Variants in IFT43 observed in about 807,000 individuals in gnomAD.
IFT43 encodes intraflagellar transport protein 43 homolog.
A neutral mutation model predicts 32.3 loss-of-function variants in IFT43; 33 were observed. That is an observed-to-expected ratio of 1.02 (90% confidence interval 0.77 to 1.37). The LOEUF is 1.37. Among genes scored for constraint, IFT43 ranks in the 40% most tolerant of loss-of-function variants. The pLI is 0.00. For missense variants in IFT43, 274 were observed against 265.9 expected (o/e 1.03, Z -0.21); for synonymous variants, 93 against 98.2 (o/e 0.95, Z 0.31).
chr14:76,061,374 G>GT (rs2037132614), intron 5 of IFT43, among the ~76,000 whole-genome samples: 1 of 152,046 alleles, frequency 6.6e-6, no homozygotes, highest in East Asian at 1.9e-4. Context: ...TGGATTTATA[G>GT]TTTTCATCAG....
intron 3 of IFT43, 52 bp downstream of exon 3, chr14:76,022,446 G>T: frequency 9.6e-6 from 10 of 1,039,258 alleles, no homozygotes; most frequent in Admixed American, 1.9e-5. Context: ...ACGGTTGGGG[G>T]GACTTTGCTC....
intron 5 of IFT43, among the ~76,000 whole-genome samples, chr14:76,079,435 G>A (rs1028311765): frequency 1.3e-5 from 2 of 152,156 alleles, no homozygotes; most frequent in Admixed American, 6.5e-5. Flanking sequence ...CTGGGTGGGC[G>A]TGAGTCTGAT....
rs1242125183 is a variant in IFT43 at position 76,076,683 on chromosome 14, A to ACTCAC, written c.296-5612_296-5611insCTCAC. ...AGAGATTTGGGGCTGGCTTCATTGGAAGAGGCAGGTAGGCTTTTGACTGTC... is the reference window on the plus strand; with the variant it reads ...AGAGATTTGGGGCTGGCTTCATTGGACTCACAGAGGCAGGTAGGCTTTTGACTGTC... On this transcript the variant is annotated intron_variant, in intron 5 of 8. Coordinates refer to ENST00000314067, the MANE Select transcript of IFT43 (RefSeq NM_001102564.3). The ACTCAC allele has an allele frequency of 1.7e-5, 27 of 1,614,074 alleles. No homozygotes were observed. The highest frequency in any genetic ancestry group is 2.7e-5 in the African/African-American group (2 of 74,940).
At position 76,025,732 on chromosome 14, in the gene IFT43, A is replaced by G. The variant is rs1017344125; in HGVS notation, c.215+3338A>G. Among the ~76,000 whole-genome samples the G allele has an allele frequency of 2.3e-4, 35 of 152,244 alleles. 1 individual carries two copies. Among genetic ancestry groups the G allele is most frequent in the Non-Finnish European group, 2.2e-4 (15 of 68,036 alleles). On this transcript the variant is annotated intron_variant, in intron 3 of 8. Coordinates refer to ENST00000314067, the MANE Select transcript of IFT43 (RefSeq NM_001102564.3). ...CTTATTCAATAAATGGTGTTGAGATAACTGGCTAGTCATAAGCAGAAGATT... is the reference window on the plus strand; with the variant it reads ...CTTATTCAATAAATGGTGTTGAGATGACTGGCTAGTCATAAGCAGAAGATT...
rs191596300 is a variant in IFT43 at position 76,051,658 on chromosome 14, T to G, written c.216-6984T>G. Among the ~76,000 whole-genome samples the G allele has an allele frequency of 1.6e-3, 243 of 152,350 alleles. 1 individual carries two copies. Among genetic ancestry groups the G allele is most frequent in the African/African-American group, 5.7e-3 (236 of 41,568 alleles). ...TTTGGAGGCAACTGTGAGATTTTTC[T>G]TGGACATTTAAAAATTATGAGGGTA... On this transcript the variant is annotated intron_variant, in intron 3 of 8. Coordinates refer to ENST00000314067, the MANE Select transcript of IFT43 (RefSeq NM_001102564.3).
At position 76,046,436 on chromosome 14, in the gene IFT43, G is replaced by A. The variant is rs2036809879; in HGVS notation, c.216-12206G>A. On this transcript the variant is annotated intron_variant, in intron 3 of 8. Coordinates refer to ENST00000314067, the MANE Select transcript of IFT43 (RefSeq NM_001102564.3). ...GGGAGGCAGCAATATGTGCAAGCAG[G>A]GGAAGTGGTGGGTCCCCAGAAGCAA... Among the ~76,000 whole-genome samples, 4 of 152,102 alleles carry A rather than the reference G, an allele frequency of 2.6e-5. No individual in the cohort carries two copies. The South Asian group carries it at 8.3e-4, about 32-fold the overall frequency.
At chr14:76,017,240 T>C (rs1016434827) in intron 2 of IFT43, among the ~76,000 whole-genome samples, 4 of 152,290 alleles carry the variant, frequency 2.6e-5, no homozygotes, top group African/African-American at 4.8e-5. Flanking sequence ...CCTGATTTGC[T>C]GAGAATTTTT....
chr14:75,991,425 G>A (rs893499264), intron 2 of IFT43, among the ~76,000 whole-genome samples: 11 of 132,908 alleles, frequency 8.3e-5, no homozygotes, highest in Non-Finnish European at 1.3e-4. Flanking sequence ...GTGTGTGTGT[G>A]TATGTATGTA....
At chr14:76,051,062 A>G (rs187162420) in intron 3 of IFT43, among the ~76,000 whole-genome samples, 6 of 151,866 alleles carry the variant, frequency 4.0e-5, no homozygotes, top group Admixed American at 1.3e-4. Context: ...GGACATGGGC[A>G]TGAGTTTTTT....
intron 3 of IFT43, among the ~76,000 whole-genome samples, chr14:76,032,869 G>A (rs956900232): frequency 2.0e-5 from 3 of 152,208 alleles, no homozygotes; most frequent in South Asian, 4.1e-4. Flanking sequence ...GTGGTTGGAT[G>A]TGCGGCAGAG....
chr14:75,993,090 T>G (rs1384810672), intron 2 of IFT43, among the ~76,000 whole-genome samples: 1 of 152,212 alleles, frequency 6.6e-6, no homozygotes, highest in African/African-American at 2.4e-5. Context: ...TAACTTAGTC[T>G]GACACACACA....
In IFT43 at chr14:76,058,646, A is replaced by G. The variant is rs1018128453; in HGVS notation, c.220A>G (p.Arg74Gly). The G allele has an allele frequency of 7.5e-6, 12 of 1,610,026 alleles. No homozygotes were observed. Among genetic ancestry groups the G allele is most frequent in the Non-Finnish European group, 8.5e-6 (10 of 1,178,058 alleles). ...TCTTTTCTTTTTTTTTTTCAGGTTT[A>G]GGAGGAAGGCTTCTGAAGAAATAGA... ...AGDSVKASKF[R>G]RKASEEIEDF... The change falls in exon 4 of 9, where the codon AGG becomes GGG. Residue 74 changes from arginine (R) to glycine (G), a missense_variant. Physicochemically the swap from Arg to Gly is moderately radical, Grantham distance 125. Transcript: ENST00000314067.
At position 76,049,807 on chromosome 14, in the gene IFT43, C is replaced by T. The variant is rs1280183920; in HGVS notation, c.216-8835C>T. ...GCAAAATATTAGATCATTGAGGTCT[C>T]TATATGTGGGCATAAGTAACTTGAA... On this transcript the variant is annotated intron_variant, in intron 3 of 8. Transcript: ENST00000314067. Among the ~76,000 whole-genome samples the T allele has an allele frequency of 4.5e-3, 679 of 152,090 alleles. 1 individual carries two copies. Among genetic ancestry groups the T allele is most frequent in the Non-Finnish European group, 7.0e-3 (473 of 68,002 alleles).
At chr14:76,064,797 C>T (rs11622276) in intron 5 of IFT43, among the ~76,000 whole-genome samples, 20,178 of 152,174 alleles carry the variant, frequency 0.13, 1,697 homozygotes, top group Non-Finnish European at 0.19. Flanking sequence ...AATGGAAACA[C>T]GAGAAAACAA....
In IFT43 at chr14:76,022,324, T is replaced by G; in HGVS notation, c.148-3T>G. 6.2e-7 allele frequency: 1 copy of G among 1,612,634 alleles called. No homozygotes were observed. Among genetic ancestry groups the G allele is most frequent in the East Asian group, 2.2e-5 (1 of 44,864 alleles). On this transcript the variant is annotated splice_polypyrimidine_tract_variant and splice_region_variant and intron_variant, in intron 2 of 8. Transcript: ENST00000314067. ...TGTTCTTTTGACTTCTCTTTCCTTG[T>G]AGACTTCCTCTGCTAAATTACCTCG...
chr14:76,059,443 A>G (rs1459758130), intron 5 of IFT43, 70 bp downstream of exon 5: 2 of 1,448,548 alleles, frequency 1.4e-6, no homozygotes, highest in Non-Finnish European at 1.9e-6. Context: ...GGCTACAGCT[A>G]AGGCACTGTT....
At chr14:76,006,259 C>T (rs1026149161) in intron 2 of IFT43, among the ~76,000 whole-genome samples, 4 of 152,278 alleles carry the variant, frequency 2.6e-5, no homozygotes, top group South Asian at 4.1e-4. Flanking sequence ...TTAGAGAGGT[C>T]GGCAGTGTGC....
At chr14:76,022,741 C>G (rs10782461) in intron 3 of IFT43, 171,188 of 178,032 alleles carry the variant, frequency 0.96, 82,362 homozygotes, top group East Asian at 1. Flanking sequence ...CATGTAAATA[C>G]AATCTACATT....
rs1487613977 is a variant in IFT43, at chr14:76,083,505, AGAGGTCCTCACT to A, written c.559_570del (p.Val187_Glu190del). The A allele has an allele frequency of 1.2e-6, 2 of 1,614,054 alleles. No homozygotes were observed. The highest frequency in any genetic ancestry group is 1.7e-6 in the Non-Finnish European group (2 of 1,180,018). On this transcript the variant is annotated inframe_deletion, in exon 9 of 9. Coordinates refer to ENST00000314067, the MANE Select transcript of IFT43 (RefSeq NM_001102564.3). ...ACCATCTGTTCACTGAGGTGTCCTC[AGAGGTCCTCACT>A]GAGTGGGACCCACTGCAGACGGAGA...
Sources: allele counts gnomAD v4.1 joint callset (sites outside exome capture counted in the v4.1 genomes callset), GRCh38; gene constraint gnomAD v4.1.1; transcripts MANE v1.5; gene names NCBI Gene and HGNC (gene_info 2026-07-23, HGNC 2026-07-21).